The following KATNIP variants were observed in gnomAD, a reference collection of about 807,000 sequenced individuals.
KATNIP encodes the protein katanin-interacting protein.
KATNIP carries 126 observed loss-of-function variants against 174.0 expected under a neutral mutation model. The ratio of observed to expected loss-of-function variants is 0.72; its 90% CI spans 0.63 to 0.84. KATNIP has a LOEUF of 0.84. KATNIP is among the 40% of genes least tolerant of loss of function. The pLI, the probability that KATNIP is intolerant of heterozygous loss-of-function variation, is 0.00. For synonymous variants in KATNIP, 810 were observed against 835.7 expected (o/e 0.97, Z 0.53); for missense variants, 1,958 against 2,109.7 (o/e 0.93, Z 1.41).
intron 20 of KATNIP, among the ~76,000 whole-genome samples, 153 bp from the exon 21 acceptor site, chr16:27,769,708 G>A (rs1196944769): frequency 6.6e-6 from 1 of 152,232 alleles, no homozygotes; most frequent in Non-Finnish European, 1.5e-5. Flanking sequence ...CGCCCACACA[G>A]CACCTGATAT....
rs1423880054 is a variant in KATNIP, at chr16:27,740,806, G to T, written c.2509G>T (p.Asp837Tyr). 6.2e-7 allele frequency: 1 copy of T among 1,614,000 alleles called. No homozygotes were observed. Among genetic ancestry groups the T allele is most frequent in the African/African-American group, 1.3e-5 (1 of 74,936 alleles). Residue 837 changes from aspartate to tyrosine, a missense_variant, in exon 15 of 28, where the codon GAC becomes TAC. Asp to Tyr is a radical substitution (Grantham distance 160, BLOSUM62 -3). Coordinates refer to ENST00000261588, the MANE Select transcript of KATNIP (RefSeq NM_015202.5). ...QRATTKVHSD[D>Y]SDIFNQPPNR... ...GGCAACCACCAAAGTCCACAGTGAT[G>T]ACTCAGACATCTTTAACCAGCCCCC...
Position 27,749,665 on chromosome 16 carries a change from C to T in KATNIP, c.2705C>T (p.Ser902Phe), listed in dbSNP as rs781256585. The change falls in exon 16 of 28, where the codon TCC (serine) becomes TTC (phenylalanine). Residue 902 changes from serine (S) to phenylalanine (F), a missense_variant. Around this residue, in one of 3 missense-constraint regions of KATNIP, gnomAD observed 1,557 missense variants for 1,617.8 expected, o/e 0.96. Coordinates refer to ENST00000261588, the MANE Select transcript of KATNIP (RefSeq NM_015202.5). The stretch of plus-strand genomic sequence containing the variant: ...CACACACTTCACGAGTCATGGAGCT[C>T]CCTCAGTGCCTTCGACCGCTCCCAC... Reference protein sequence around the residue: ...QEHTLHESWSSLSAFDRSHRG... With the variant: ...QEHTLHESWSFLSAFDRSHRG... 6 of 1,610,500 alleles carry T rather than the reference C, an allele frequency of 3.7e-6. No homozygotes were observed. The highest frequency in any genetic ancestry group is 5.1e-6 in the Non-Finnish European group (6 of 1,178,124).
intron 1 of KATNIP, among the ~76,000 whole-genome samples, chr16:27,561,756 C>A (rs1427799832): frequency 6.6e-6 from 1 of 152,142 alleles, no homozygotes; most frequent in Non-Finnish European, 1.5e-5. Context: ...AGAAACATTT[C>A]ATGAACTCTC....
rs1374781564 is a variant in KATNIP, at chr16:27,749,909, T to C, written c.2949T>C (p.Ser983=). The C allele has an allele frequency of 6.2e-7, 1 of 1,614,214 alleles. No individual in the cohort carries two copies. The change falls in exon 16 of 28, where the codon TCT becomes TCC. Residue 983 remains serine, a synonymous_variant. Transcript: ENST00000261588. ...AGCGCTTGGTCATTGACATCAAGTC[T>C]ACCTGGGGGGACAGACACTATGTCG... ...YGQRLVIDIK[S]TWGDRHYVGL...
intron 6 of KATNIP, chr16:27,654,824 G>A (rs1440050780): frequency 2.9e-5 from 36 of 1,228,922 alleles, no homozygotes; most frequent in South Asian, 1.2e-4. Flanking sequence ...GATGGACTCC[G>A]TGAGAGAGTC....
intron 14 of KATNIP, among the ~76,000 whole-genome samples, chr16:27,735,271 G>A (rs2143398080): frequency 6.6e-6 from 1 of 152,250 alleles, no homozygotes; most frequent in African/African-American, 2.4e-5. Context: ...ACGTCTTGGT[G>A]GGAACAGGGC....
At chr16:27,601,199 C>T (rs1243456976) in intron 2 of KATNIP, among the ~76,000 whole-genome samples, 1 of 152,128 alleles carries the variant, frequency 6.6e-6, no homozygotes, top group Non-Finnish European at 1.5e-5. Context: ...GCTCCTTGTA[C>T]ATGCCAGGAA....
chr16:27,692,183 T>G (rs928352917), intron 8 of KATNIP, among the ~76,000 whole-genome samples: 3 of 152,204 alleles, frequency 2.0e-5, no homozygotes, highest in Non-Finnish European at 2.9e-5. Flanking sequence ...CCAATGCTGG[T>G]GTTTGCACCC....
intron 13 of KATNIP, among the ~76,000 whole-genome samples, chr16:27,717,911 C>T (rs2080030133): frequency 6.6e-6 from 1 of 152,168 alleles, no homozygotes; most frequent in Non-Finnish European, 1.5e-5. Context: ...CACCCTGGCT[C>T]CCAGATTCCC....
At chr16:27,754,534 C>A in intron 18 of KATNIP, 1 of 404,230 alleles carries the variant, frequency 2.5e-6, no homozygotes, top group Non-Finnish European at 4.5e-6. Flanking sequence ...GTGACCATGA[C>A]CCTGACCCAG....
At chr16:27,686,977 A>G (rs1007912641) in intron 8 of KATNIP, among the ~76,000 whole-genome samples, 2 of 152,170 alleles carry the variant, frequency 1.3e-5, no homozygotes, top group Admixed American at 6.5e-5. Context: ...ACTGATTATT[A>G]TTAGTAGTAG....
intron 14 of KATNIP, chr16:27,727,519 G>A (rs920906834): frequency 6.6e-6 from 1 of 152,416 alleles, no homozygotes; most frequent in Non-Finnish European, 1.5e-5. Flanking sequence ...AATGGATCAG[G>A]GGGCAGAGGG....
Position 27,769,910 on chromosome 16 carries a change from A to G in KATNIP, c.4025A>G (p.Glu1342Gly). The change falls in exon 21 of 28, where the codon GAG becomes GGG. Residue 1342 changes from glutamate (E) to glycine (G), a missense_variant. Transcript: ENST00000261588. ...SLDGLCVSPPEGFLIRKGPGN... is the reference protein window; with the variant it reads ...SLDGLCVSPPGGFLIRKGPGN... ...GATGGCCTGTGCGTCTCCCCGCCAG[A>G]GGGCTTTCTCATCCGGAAGGGGCCA... 1 of 1,614,228 alleles carries G rather than the reference A, an allele frequency of 6.2e-7. No individual in the cohort carries two copies. The highest frequency in any genetic ancestry group is 8.5e-7 in the Non-Finnish European group (1 of 1,180,040).
At chr16:27,647,422 G>A (rs2076987442) in intron 5 of KATNIP, among the ~76,000 whole-genome samples, 2 of 151,910 alleles carry the variant, frequency 1.3e-5, no homozygotes, top group South Asian at 4.2e-4. Context: ...GCTCACTGCA[G>A]CCTCGAACTC....
chr16:27,577,563 G>A lies in KATNIP; in HGVS notation c.63+3607G>A, dbSNP rs1454656720. On this transcript the variant is annotated intron_variant, in intron 2 of 27. Coordinates refer to ENST00000261588, the MANE Select transcript of KATNIP (RefSeq NM_015202.5). ...AAAAATTAGCCGGACGTGGTGGCAGGTGCCTGTAATCCCAGCTACTCGGGA... is the reference window on the plus strand; with the variant it reads ...AAAAATTAGCCGGACGTGGTGGCAGATGCCTGTAATCCCAGCTACTCGGGA... Among the ~76,000 whole-genome samples the A allele has an allele frequency of 1.1e-4, 17 of 152,006 alleles. 1 individual carries two copies. The highest frequency in any genetic ancestry group is 2.9e-5 in the Non-Finnish European group (2 of 67,998).
chr16:27,677,657 T>C (rs987890724), intron 6 of KATNIP, 72 bp from the exon 7 acceptor site: 5 of 1,408,790 alleles, frequency 3.5e-6, no homozygotes, highest in African/African-American at 1.4e-5. Flanking sequence ...TTGGTTCAAA[T>C]GATCTATTTT....
In KATNIP at chr16:27,606,848, G is replaced by A. The variant is rs370738437; in HGVS notation, c.64-11577G>A. ...CCGGAAGTGCTGGGATTATAGGCAT[G>A]AGCCATCGTGCCTGGCATCTTGGGC... is the stretch of plus-strand genomic sequence containing the variant. On this transcript the variant is annotated intron_variant, in intron 2 of 27. Coordinates refer to ENST00000261588, the MANE Select transcript of KATNIP (RefSeq NM_015202.5). Among the ~76,000 whole-genome samples, 28 of 152,118 alleles carry A rather than the reference G, an allele frequency of 1.8e-4. No individual in the cohort carries two copies. In the East Asian group the frequency reaches 3.7e-3, roughly 20 times the overall value.
intron 2 of KATNIP, among the ~76,000 whole-genome samples, chr16:27,577,090 T>C (rs1003500632): frequency 1.3e-5 from 2 of 152,320 alleles, no homozygotes; most frequent in East Asian, 1.9e-4. Context: ...CCCAAAGATA[T>C]GTTGTATCTA....
chr16:27,680,046 C>G (rs2078272656), intron 7 of KATNIP, among the ~76,000 whole-genome samples: 1 of 152,136 alleles, frequency 6.6e-6, no homozygotes, highest in South Asian at 2.1e-4. Flanking sequence ...TGGGCCAGCC[C>G]TCCCCCGTGC....
Sources: allele counts gnomAD v4.1 joint callset (sites outside exome capture counted in the v4.1 genomes callset), GRCh38; gene constraint gnomAD v4.1.1; regional missense constraint gnomAD v4.1.1; transcripts MANE v1.5; gene names NCBI Gene and HGNC (gene_info 2026-07-23, HGNC 2026-07-21).